Variants in MYO18A observed in about 807,000 individuals in gnomAD.
The protein encoded by MYO18A is unconventional myosin-XVIIIa.
A neutral mutation model predicts 235.8 loss-of-function variants in MYO18A; 78 were observed. That is an observed-to-expected ratio of 0.33 (90% confidence interval 0.28 to 0.40). The LOEUF (loss-of-function observed/expected upper bound fraction) is 0.40, where lower values mean the gene tolerates loss of function less well. MYO18A is among the 10% of genes least tolerant of loss of function. MYO18A has a pLI of 1.00. For missense variants in MYO18A, 2,215 were observed against 2,699.3 expected (o/e 0.82, Z 3.98); for synonymous variants, 977 against 1,077.8 (o/e 0.91, Z 1.83).
In MYO18A at chr17:29,121,259, C is replaced by A; in HGVS notation, c.1372-48G>T. The A allele has an allele frequency of 6.5e-7, 1 of 1,540,476 alleles. No individual in the cohort carries two copies. The highest frequency in any genetic ancestry group is 1.2e-5 in the South Asian group (1 of 84,158). ...AGAAGGGGTTGGCTCTTAGCTGATC[C>A]CATTAAGACACCCCTCACCCCCAAG... is the stretch of plus-strand genomic sequence containing the variant. On this transcript the variant is annotated intron_variant, in intron 5 of 41. Coordinates refer to ENST00000527372, the MANE Select transcript of MYO18A (RefSeq NM_078471.4). This position sits in a 1 kb window ranked among gnomAD's most constrained non-coding sequence, Gnocchi z 4.2.
intron 36 of MYO18A, 50 bp downstream of exon 36, chr17:29,090,482 C>A (rs1326957777): frequency 6.6e-7 from 1 of 1,512,440 alleles, no homozygotes; most frequent in Non-Finnish European, 9.0e-7. Context: ...TCCTCCCACA[C>A]CTAGTGACCC....
intron 13 of MYO18A, 63 bp from the exon 14 acceptor site, chr17:29,115,162 C>G (rs2067026996): frequency 1.3e-6 from 2 of 1,525,778 alleles, no homozygotes; most frequent in Admixed American, 3.9e-5. Flanking sequence ...GAAGCCCCAC[C>G]CTGCCCAAGC....
In MYO18A at chr17:29,121,673, G is replaced by A. The variant is rs1382548150; in HGVS notation, c.1245C>T (p.Tyr415=). The change falls in exon 5 of 42, where the codon TAC becomes TAT. Residue 415 remains tyrosine (Y), a synonymous_variant. Coordinates refer to ENST00000527372, the MANE Select transcript of MYO18A (RefSeq NM_078471.4). This position sits in a 1 kb window ranked among gnomAD's most constrained non-coding sequence, Gnocchi z 4.2. ...TGTGCAGGACGCTGGACTCATTGAGGTACACCAGTGAGGCCAGATCCTCCA... is the reference window on the plus strand; with the variant it reads ...TGTGCAGGACGCTGGACTCATTGAGATACACCAGTGAGGCCAGATCCTCCA... The part of the protein sequence containing the change: ...DRLEDLASLV[Y]LNESSVLHTL... 1 of 1,564,770 alleles carries A rather than the reference G, an allele frequency of 6.4e-7. No individual in the cohort carries two copies. The highest frequency in any genetic ancestry group is 1.2e-5 in the South Asian group (1 of 85,690).
intron 2 of MYO18A, chr17:29,131,358 T>C (rs2152897238): frequency 1.0e-6 from 1 of 982,046 alleles, no homozygotes; most frequent in Non-Finnish European, 1.2e-6. Flanking sequence ...CACGCATGCC[T>C]CGGAGAACTC....
intron 2 of MYO18A, among the ~76,000 whole-genome samples, chr17:29,152,601 G>C (rs186758224): frequency 6.6e-6 from 1 of 152,178 alleles, no homozygotes; most frequent in Non-Finnish European, 1.5e-5. Context: ...AACACTCCCC[G>C]TGAGCAGAGC....
chr17:29,134,657 G>C (rs28588509), intron 2 of MYO18A, among the ~76,000 whole-genome samples: 2,410 of 152,156 alleles, frequency 0.016, 77 homozygotes, highest in African/African-American at 0.055. Flanking sequence ...CAGGTAGCTG[G>C]GATTACAGGC....
chr17:29,085,767 G>T, intron 39 of MYO18A, 119 bp from the exon 40 acceptor site: 19 of 993,752 alleles, frequency 1.9e-5, no homozygotes, highest in Non-Finnish European at 2.7e-5. Context: ...AGCCAGCTCT[G>T]GCTGGTTGAG....
intron 1 of MYO18A, among the ~76,000 whole-genome samples, chr17:29,170,159 A>C (rs547540643): frequency 6.6e-6 from 1 of 152,280 alleles, no homozygotes; most frequent in East Asian, 1.9e-4. Context: ...TCTCCTGTGG[A>C]CACAGGTTAA....
rs765213385 is a variant in MYO18A, at chr17:29,073,862, G to C, written c.*908C>G. On this transcript the variant is annotated 3_prime_UTR_variant, in exon 42 of 42. Coordinates refer to ENST00000527372, the MANE Select transcript of MYO18A (RefSeq NM_078471.4). ...TCTGATCACAAGTCCTCAACCCCAA[G>C]CCTTCCCTCTCAAGTTGAGTTTATG... The C allele has an allele frequency of 6.3e-7, 1 of 1,591,688 alleles. No homozygotes were observed.
At chr17:29,116,519 A>C in intron 10 of MYO18A, 64 bp from the exon 11 acceptor site, 2 of 1,609,020 alleles carry the variant, frequency 1.2e-6, no homozygotes, top group Non-Finnish European at 1.7e-6. Flanking sequence ...AACAGTCATC[A>C]ATAGAGCTCG....
chr17:29,162,931 A>G (rs1201238737), intron 2 of MYO18A, among the ~76,000 whole-genome samples: 2 of 152,148 alleles, frequency 1.3e-5, no homozygotes, highest in Non-Finnish European at 2.9e-5. Context: ...TGAGAGGGAA[A>G]CCCAAGGGGC....
At position 29,090,090 on chromosome 17, in the gene MYO18A, G is replaced by T. The variant is rs746060314; in HGVS notation, c.5397C>A (p.Ala1799=). ...EKQELQEKLQ[A]LQSQVEFLEQ... is the part of the protein sequence containing the mutation. Reference sequence around the variant, plus strand: ...CCAGGAACTCCACCTGGCTCTGGAGGGCTTGTAGCTAGAGGTGGGGGACAG... The same window carrying T: ...CCAGGAACTCCACCTGGCTCTGGAGTGCTTGTAGCTAGAGGTGGGGGACAG... The change falls in exon 37 of 42, where the codon GCC becomes GCA. Residue 1799 remains alanine, a synonymous_variant. Coordinates refer to ENST00000527372, the MANE Select transcript of MYO18A (RefSeq NM_078471.4). 6.2e-7 allele frequency: 1 copy of T among 1,612,570 alleles called. No homozygotes were observed. Among genetic ancestry groups the T allele is most frequent in the East Asian group, 2.2e-5 (1 of 44,876 alleles).
intron 2 of MYO18A, among the ~76,000 whole-genome samples, chr17:29,149,143 G>A (rs2067916176): frequency 6.6e-6 from 1 of 152,226 alleles, no homozygotes; most frequent in African/African-American, 2.4e-5. Flanking sequence ...AGGAGCTCCG[G>A]CCCGAGGGGG....
chr17:29,084,291 C>T (rs2066197497), intron 40 of MYO18A, among the ~76,000 whole-genome samples: 1 of 152,202 alleles, frequency 6.6e-6, no homozygotes, highest in African/African-American at 2.4e-5. Flanking sequence ...GCTCTTGCCA[C>T]ACAAGGATGG....
intron 2 of MYO18A, among the ~76,000 whole-genome samples, chr17:29,145,365 G>A (rs905003805): frequency 1.3e-5 from 2 of 152,220 alleles, no homozygotes; most frequent in Non-Finnish European, 2.9e-5. Context: ...CATTGGTGGC[G>A]TGGATGAGTG....
chr17:29,165,834 A>G, intron 2 of MYO18A, 108 bp downstream of exon 2: 2 of 1,067,530 alleles, frequency 1.9e-6, no homozygotes, highest in Non-Finnish European at 2.7e-6. Flanking sequence ...CCACTTACAC[A>G]CTGCTAGGCT....
At chr17:29,081,603 T>C (rs1174013726) in intron 41 of MYO18A, among the ~76,000 whole-genome samples, 1 of 131,938 alleles carries the variant, frequency 7.6e-6, no homozygotes, top group Non-Finnish European at 1.6e-5. Flanking sequence ...GTTGGGATTC[T>C]ATGTTGTGGG....
chr17:29,110,531 C>G lies in MYO18A; in HGVS notation c.2992G>C (p.Ala998Pro). The change falls in exon 18 of 42, where the codon GCA becomes CCA. Residue 998 changes from alanine (A) to proline (P), a missense_variant. Ala to Pro is a conservative substitution (Grantham distance 27). Transcript: ENST00000527372. ...CGCATGCTGGTGGCCCGGCGCAGTG[C>G]CAGCTGCGAGCCGCCCTCCAGGCCC... Reference protein sequence around the residue: ...IAGLEGGSQLALRRATSMRKT... With the variant: ...IAGLEGGSQLPLRRATSMRKT... 6.2e-7 allele frequency: 1 copy of G among 1,609,722 alleles called. No homozygotes were observed. The highest frequency in any genetic ancestry group is 8.5e-7 in the Non-Finnish European group (1 of 1,178,326).
intron 1 of MYO18A, 28 bp from the exon 2 acceptor site, chr17:29,167,049 G>T: frequency 7.0e-7 from 1 of 1,422,128 alleles, no homozygotes; most frequent in Non-Finnish European, 9.2e-7. Flanking sequence ...CAGAGAGAAA[G>T]GTTATTCGAA....
Sources: gnomAD v4.1 joint callset for allele counts (sites outside exome capture counted in the v4.1 genomes callset) on GRCh38, gnomAD v4.1.1 for gene constraint, Gnocchi (gnomAD v3.1) non-coding constraint, MANE v1.5 for transcripts, NCBI Gene and HGNC (gene_info 2026-07-23, HGNC 2026-07-21) for gene names.